The following RNF220 variants were observed in gnomAD, a reference collection of about 807,000 sequenced individuals.
The protein encoded by RNF220 is ring finger protein 220.
A neutral mutation model predicts 67.1 loss-of-function variants in RNF220; 7 were observed. The ratio of observed to expected loss-of-function variants is 0.10; its 90% CI spans 0.06 to 0.20. The LOEUF (loss-of-function observed/expected upper bound fraction) is 0.20, where lower values mean the gene tolerates loss of function less well. RNF220 is among the 10% of genes least tolerant of loss of function. RNF220 has a pLI of 1.00. For missense variants in RNF220, 565 were observed against 740.3 expected, an observed-to-expected ratio of 0.76 and a Z score of 2.75; for synonymous variants, 270 against 283.2, an observed-to-expected ratio of 0.95 and a Z score of 0.47.
In RNF220 at chr1:44,452,830, T is replaced by A. The variant is rs1238922158; in HGVS notation, c.625+40108T>A. On this transcript the variant is annotated intron_variant, in intron 2 of 14. Coordinates refer to ENST00000361799, the MANE Select transcript of RNF220 (RefSeq NM_018150.4). ...CTCAGTAGTTTTTGTTCTCATACTT[T>A]TCTTGACTGCTTTTATACATCTTCT... 3.9e-5 allele frequency among the ~76,000 whole-genome samples: 6 copies of A among 152,186 alleles called. No homozygotes were observed. In the East Asian group the frequency reaches 1.2e-3, roughly 29 times the overall value.
chr1:44,645,392 G>A lies in RNF220; in HGVS notation c.1367-18G>A. 6.2e-7 allele frequency: 1 copy of A among 1,613,986 alleles called. No homozygotes were observed. The highest frequency in any genetic ancestry group is 1.1e-5 in the South Asian group (1 of 91,058). ...GCCCAGTCTGGCCGGAGTGTGAGTTGCCCCTCTGTCCCAGCAGAGATGCCA... is the reference window on the plus strand; with the variant it reads ...GCCCAGTCTGGCCGGAGTGTGAGTTACCCCTCTGTCCCAGCAGAGATGCCA... On this transcript the variant is annotated intron_variant, in intron 11 of 14. Transcript: ENST00000361799. The surrounding 1 kb of genome is among the most constrained non-coding windows in gnomAD (Gnocchi z 5.0).
At chr1:44,597,936 C>G (rs1385918451) in intron 2 of RNF220, among the ~76,000 whole-genome samples, 1 of 149,024 alleles carries the variant, frequency 6.7e-6, no homozygotes, top group East Asian at 2.0e-4. Context: ...TACAACCCCC[C>G]ACTGTCTCCT....
intron 2 of RNF220, among the ~76,000 whole-genome samples, chr1:44,560,384 C>CT (rs1362464642): frequency 6.6e-6 from 1 of 152,172 alleles, no homozygotes; most frequent in Non-Finnish European, 1.5e-5. Flanking sequence ...CATGGTCTTT[C>CT]TTGCCATCAT....
intron 5 of RNF220, 84 bp from the exon 6 acceptor site, chr1:44,632,259 C>G (rs111993242): frequency 6.2e-7 from 1 of 1,613,520 alleles, no homozygotes. Flanking sequence ...GTCGGGGGTC[C>G]GGTGCTGGGG....
intron 2 of RNF220, among the ~76,000 whole-genome samples, chr1:44,583,113 C>T (rs146147264): frequency 0.012 from 1,815 of 152,084 alleles, 18 homozygotes; most frequent in Non-Finnish European, 0.019. Context: ...AAAAAGGGAA[C>T]GCTTGTCAAT....
intron 2 of RNF220, among the ~76,000 whole-genome samples, chr1:44,460,254 G>A (rs892991271): frequency 1.3e-5 from 2 of 152,166 alleles, no homozygotes; most frequent in Non-Finnish European, 2.9e-5. Flanking sequence ...AACAGACCCC[G>A]GCTGTGAGAG....
intron 2 of RNF220, among the ~76,000 whole-genome samples, chr1:44,498,079 T>C (rs915865415): frequency 2.0e-5 from 3 of 152,174 alleles, no homozygotes; most frequent in African/African-American, 4.8e-5. Context: ...AGTGGTTGCT[T>C]CCGGAGACCC....
At chr1:44,462,892 T>A (rs1653920662) in intron 2 of RNF220, among the ~76,000 whole-genome samples, 1 of 151,632 alleles carries the variant, frequency 6.6e-6, no homozygotes, top group East Asian at 1.9e-4. Context: ...CCAGGTGAGG[T>A]GGCAGGCGCC....
intron 2 of RNF220, among the ~76,000 whole-genome samples, chr1:44,560,627 T>A (rs1663494861): frequency 6.6e-6 from 1 of 152,230 alleles, no homozygotes. Context: ...AATGAGGCGA[T>A]CTCTGCTCAC....
intron 2 of RNF220, among the ~76,000 whole-genome samples, chr1:44,513,763 GT>G (rs1239371120): frequency 6.6e-6 from 1 of 152,224 alleles, no homozygotes; most frequent in African/African-American, 2.4e-5. Flanking sequence ...CCCAGGGCAT[GT>G]TTCATGGGTC....
At chr1:44,479,878 C>T (rs1655640314) in intron 2 of RNF220, among the ~76,000 whole-genome samples, 1 of 152,208 alleles carries the variant, frequency 6.6e-6, no homozygotes, top group South Asian at 2.1e-4. Context: ...CCAGCTCATG[C>T]TTGCAATGTT....
At chr1:44,604,980 T>A (rs1667169721) in intron 2 of RNF220, among the ~76,000 whole-genome samples, 1 of 152,132 alleles carries the variant, frequency 6.6e-6, no homozygotes, top group Non-Finnish European at 1.5e-5. Context: ...TCTATACATG[T>A]CTTACAGAAA....
intron 1 of RNF220, among the ~76,000 whole-genome samples, chr1:44,406,159 G>T (rs957006838): frequency 6.6e-6 from 1 of 152,232 alleles, no homozygotes; most frequent in Non-Finnish European, 1.5e-5. Flanking sequence ...TACCCGGGGA[G>T]TGGCTGTTTA....
intron 2 of RNF220, among the ~76,000 whole-genome samples, chr1:44,589,311 A>G (rs1465634545): frequency 6.6e-6 from 1 of 152,112 alleles, no homozygotes; most frequent in Non-Finnish European, 1.5e-5. Flanking sequence ...TGAAATAGGT[A>G]TAACAAGAAT....
chr1:44,451,200 A>G (rs1002020728), intron 2 of RNF220, among the ~76,000 whole-genome samples: 1 of 152,042 alleles, frequency 6.6e-6, no homozygotes, highest in African/African-American at 2.4e-5. Context: ...AAAAGAAAAA[A>G]AAAAAAAAGA....
At position 44,505,320 on chromosome 1, in the gene RNF220, G is replaced by A. The variant is rs534739983; in HGVS notation, c.625+92598G>A. On this transcript the variant is annotated intron_variant, in intron 2 of 14. Transcript: ENST00000361799. ...CAAGTCCACGAGCTTTGTAGGTCCT[G>A]GCTGGATTCCCTCTTGGTTAGACTC... 2.0e-5 allele frequency among the ~76,000 whole-genome samples: 3 copies of A among 152,358 alleles called. No individual in the cohort carries two copies. The East Asian group carries it at 5.8e-4, about 29-fold the overall frequency.
chr1:44,420,674 A>G (rs1004777437), intron 2 of RNF220, among the ~76,000 whole-genome samples: 3 of 152,176 alleles, frequency 2.0e-5, no homozygotes, highest in African/African-American at 7.2e-5. Flanking sequence ...TGGCCTCTGG[A>G]GTTAAGTCCT....
intron 2 of RNF220, among the ~76,000 whole-genome samples, chr1:44,609,041 C>T (rs982586102): frequency 6.6e-6 from 1 of 152,172 alleles, no homozygotes; most frequent in Non-Finnish European, 1.5e-5. Context: ...AGCTCAATAA[C>T]GTTAAGTGAT....
chr1:44,498,430 A>G (rs1334508437), intron 2 of RNF220, among the ~76,000 whole-genome samples: 1 of 151,888 alleles, frequency 6.6e-6, no homozygotes. Context: ...TGTATACCCC[A>G]TTATCTAGTG....
Sources: allele counts gnomAD v4.1 joint callset (sites outside exome capture counted in the v4.1 genomes callset), GRCh38; gene constraint gnomAD v4.1.1; non-coding constraint Gnocchi (gnomAD v3.1); transcripts MANE v1.5; gene names NCBI Gene and HGNC (gene_info 2026-07-23, HGNC 2026-07-21).